CFAP54: variants seen among roughly 807,000 people sequenced by gnomAD.
The protein encoded by CFAP54 is cilia- and flagella-associated protein 54.
CFAP54 carries 290 observed loss-of-function variants against 370.4 expected under a neutral mutation model. The observed-to-expected ratio is 0.78, with a 90% CI of 0.71 to 0.86. The LOEUF (loss-of-function observed/expected upper bound fraction) is 0.86, where lower values mean the gene tolerates loss of function less well. Among genes scored for constraint, CFAP54 ranks in the 40% least tolerant of loss-of-function variants. CFAP54 has a pLI of 0.00. For synonymous variants in CFAP54, 1,206 were observed against 1,236.5 expected, an observed-to-expected ratio of 0.98 and a Z score of 0.52; for missense variants, 3,399 against 3,528.7, an observed-to-expected ratio of 0.96 and a Z score of 0.93.
intron 66 of CFAP54, among the ~76,000 whole-genome samples, chr12:96,858,018 A>G (rs1260407066): frequency 2.0e-5 from 3 of 152,196 alleles, no homozygotes; most frequent in Non-Finnish European, 2.9e-5. Flanking sequence ...CTCTGGGTAT[A>G]TAACCAGTAA....
chr12:96,530,438 GGA>G (rs1389381514), intron 9 of CFAP54, among the ~76,000 whole-genome samples: 2 of 152,112 alleles, frequency 1.3e-5, no homozygotes, highest in African/African-American at 2.4e-5. Flanking sequence ...TGCAGTGAAT[GGA>G]GATCACACCA....
intron 27 of CFAP54, among the ~76,000 whole-genome samples, chr12:96,623,321 A>G (rs1379045544): frequency 9.2e-5 from 14 of 152,204 alleles, no homozygotes. Context: ...TTAAGTTTCA[A>G]TGAAAGGCAA....
Position 96,860,930 on chromosome 12 carries a change from A to T in CFAP54, c.9283A>T (p.Ile3095Phe). 1 of 1,533,832 alleles carries T rather than the reference A, an allele frequency of 6.5e-7. No homozygotes were observed. The highest frequency in any genetic ancestry group is 1.2e-5 in the South Asian group (1 of 83,488). Residue 3095 changes from isoleucine (I) to phenylalanine (F), a missense_variant, in exon 67 of 68, where the codon ATT becomes TTT. Ile to Phe is a conservative substitution (Grantham distance 21). Around this residue, in one of 3 missense-constraint regions of CFAP54, gnomAD observed 2,796 missense variants for 2,869.7 expected, o/e 0.97. Coordinates refer to ENST00000524981, the MANE Select transcript of CFAP54 (RefSeq NM_001306084.2). ...CCTTTTCAACTGGATAGTGTCAATT[A>T]TTCCCTGAATATCCTATACACGGTA... ...GSLFNWIVSI[I>F]P
Position 96,489,769 on chromosome 12 carries a change from G to A in CFAP54, c.160G>A (p.Asp54Asn). 1.3e-6 allele frequency: 2 copies of A among 1,536,096 alleles called. No individual in the cohort carries two copies. Among genetic ancestry groups the A allele is most frequent in the South Asian group, 1.2e-5 (1 of 84,062 alleles). Residue 54 changes from aspartate to asparagine, a missense_variant, in exon 1 of 68, where the codon GAC becomes AAC. Around this residue, in one of 3 missense-constraint regions of CFAP54, gnomAD observed 559 missense variants for 576.7 expected, o/e 0.97. Transcript: ENST00000524981. Reference protein sequence around the residue: ...SSLLQWTCPEDSLPLAVFYGP... With the variant: ...SSLLQWTCPENSLPLAVFYGP... ...GCTGCTTCAGTGGACCTGCCCCGAG[G>A]ACTCATTGCCCCTAGCCGTGTTTTA...
chr12:96,850,950 A>G (rs995379429), intron 66 of CFAP54, among the ~76,000 whole-genome samples: 7 of 152,156 alleles, frequency 4.6e-5, no homozygotes, highest in African/African-American at 1.4e-4. Context: ...GGTGATTACA[A>G]TTTGAGATGA....
At chr12:96,848,020 A>G (rs1234204902) in intron 66 of CFAP54, among the ~76,000 whole-genome samples, 5 of 152,144 alleles carry the variant, frequency 3.3e-5, no homozygotes, top group Non-Finnish European at 7.4e-5. Context: ...TACATCTTCT[A>G]ATTTCCAATT....
intron 42 of CFAP54, 117 bp downstream of exon 42, chr12:96,685,355 C>G (rs1281197891): frequency 1.2e-6 from 1 of 800,630 alleles, no homozygotes. Context: ...AGGTTATGTC[C>G]ATATCATACA....
At chr12:96,648,880 G>T (rs544318949) in intron 34 of CFAP54, among the ~76,000 whole-genome samples, 1 of 151,880 alleles carries the variant, frequency 6.6e-6, no homozygotes, top group Non-Finnish European at 1.5e-5. Flanking sequence ...GAGCCACTGC[G>T]CCCGGCCGAA....
chr12:96,551,485 ATGTGTGTG>A (rs10582056), intron 15 of CFAP54, among the ~76,000 whole-genome samples: 30 of 143,868 alleles, frequency 2.1e-4, no homozygotes, highest in Non-Finnish European at 3.6e-4. Context: ...TTGAATGGGT[ATGTGTGTG>A]TGTGTGTGTG....
In CFAP54 at chr12:96,753,736, C is replaced by G. The variant is rs1441223916; in HGVS notation, c.7685-7C>G. The stretch of plus-strand genomic sequence containing the variant: ...TGTTCTTCCCCACCGAACTGTTTTT[C>G]TTTTAGGACATACAGTGGCCAAGCA... On this transcript the variant is annotated splice_polypyrimidine_tract_variant and splice_region_variant and intron_variant, in intron 55 of 67. Coordinates refer to ENST00000524981, the MANE Select transcript of CFAP54 (RefSeq NM_001306084.2). 6.2e-7 allele frequency: 1 copy of G among 1,610,858 alleles called. No individual in the cohort carries two copies. The highest frequency in any genetic ancestry group is 2.2e-5 in the East Asian group (1 of 44,832).
intron 26 of CFAP54, among the ~76,000 whole-genome samples, chr12:96,600,852 A>C (rs1444099632): frequency 6.6e-6 from 1 of 152,082 alleles, no homozygotes. Context: ...GCTTAAGGAG[A>C]TTTTGGGCTG....
rs59091655 is a variant in CFAP54, at chr12:96,495,487, GT to G, written c.318-5334del. ...ATGTCACCACGCCCGGCTAATTTTT[GT>G]TTTTTTTTTTTTAGTAGAGACGGGA... On this transcript the variant is annotated intron_variant, in intron 1 of 67. Coordinates refer to ENST00000524981, the MANE Select transcript of CFAP54 (RefSeq NM_001306084.2). Among the ~76,000 whole-genome samples, 1,081 of 144,376 alleles carry G rather than the reference GT, an allele frequency of 7.5e-3. 27 individuals are homozygous for G. The highest frequency in any genetic ancestry group is 0.056 in the East Asian group (279 of 4,948). 94.7% of individuals were successfully genotyped at this position (144,376 alleles called of 152,430 possible). A position where few individuals can be genotyped will look rare whatever the true frequency, so the allele number is the denominator to read the frequency against.
At position 96,784,889 on chromosome 12, in the gene CFAP54, A is replaced by G; in HGVS notation, c.8454A>G (p.Leu2818=). ...LQRINNLSKL[L]ASATPVSGIS... The stretch of plus-strand genomic sequence containing the variant: ...GGATTAATAATCTGAGCAAACTGCT[A>G]GGTAGGTTTTTTGATGTGTTAAGAG... The change falls in exon 61 of 68, where the codon CTA becomes CTG. Residue 2818 remains leucine, a splice_region_variant and synonymous_variant. Transcript: ENST00000524981. 6.6e-7 allele frequency: 1 copy of G among 1,509,700 alleles called. No individual in the cohort carries two copies. The highest frequency in any genetic ancestry group is 1.3e-5 in the South Asian group (1 of 79,042). The allele number at this position is 1,509,700 out of a possible 1,614,324, so 93.5% of individuals were successfully genotyped here.
At chr12:96,711,078 A>G (rs541032499) in intron 48 of CFAP54, among the ~76,000 whole-genome samples, 21 of 152,278 alleles carry the variant, frequency 1.4e-4, no homozygotes, top group Admixed American at 6.5e-4. Flanking sequence ...TGAGCAATTC[A>G]ATCTCTTTAC....
chr12:96,839,437 G>C (rs186973262), intron 66 of CFAP54, among the ~76,000 whole-genome samples: 47 of 152,120 alleles, frequency 3.1e-4, no homozygotes, highest in Non-Finnish European at 2.4e-4. Context: ...AGAACAACAC[G>C]AAGTGTAGAA....
chr12:96,645,821 A>G (rs7484944), intron 33 of CFAP54: 22,296 of 152,182 alleles, frequency 0.15, 2,120 homozygotes, highest in East Asian at 0.44. Flanking sequence ...CTGATCTTTG[A>G]CAAACCTGAC....
intron 66 of CFAP54, among the ~76,000 whole-genome samples, chr12:96,830,842 TA>T (rs1959168768): frequency 2.0e-5 from 3 of 151,674 alleles, no homozygotes; most frequent in Non-Finnish European, 4.4e-5. Flanking sequence ...CATACCTGGC[TA>T]ATTTTTTTTT....
At position 96,686,004 on chromosome 12, in the gene CFAP54, C is replaced by T. The variant is rs143654669; in HGVS notation, c.6014+766C>T. Among the ~76,000 whole-genome samples the T allele has an allele frequency of 6.8e-4, 103 of 152,308 alleles. 1 individual carries two copies. The highest frequency in any genetic ancestry group is 2.4e-3 in the African/African-American group (99 of 41,568). On this transcript the variant is annotated intron_variant, in intron 42 of 67. Transcript: ENST00000524981. ...CACATTCCTTCTGAGCCTCAGTGTC[C>T]TCATCTCTAAGCCAAGGTGGTAAAA...
chr12:96,527,251 A>G lies in CFAP54; in HGVS notation c.1164A>G (p.Ser388=). Residue 388 remains serine (S), a synonymous_variant, in exon 9 of 68, where the codon TCA becomes TCG. Transcript: ENST00000524981. ...RINLREVQTL[S]WPRTVTERLL... ...TTTTTTTTTCTCAATTTCAGTTATC[A>G]TGGCCACGAACTGTCACAGAGCGGC... 6.7e-7 allele frequency: 1 copy of G among 1,502,414 alleles called. No individual in the cohort carries two copies. Among genetic ancestry groups the G allele is most frequent in the South Asian group, 1.3e-5 (1 of 78,362 alleles). The allele number at this position is 1,502,414 out of a possible 1,614,324, so 93.1% of individuals were successfully genotyped here. A position where few individuals can be genotyped will look rare whatever the true frequency, so the allele number is the denominator to read the frequency against.
Sources: allele counts gnomAD v4.1 joint callset (sites outside exome capture counted in the v4.1 genomes callset), GRCh38; gene constraint gnomAD v4.1.1; regional missense constraint gnomAD v4.1.1; transcripts MANE v1.5; gene names NCBI Gene and HGNC (gene_info 2026-07-23, HGNC 2026-07-21).